ZRANB3: variants seen among roughly 807,000 people sequenced by gnomAD.
The protein encoded by ZRANB3 is zinc finger RANBP2-type containing 3, also known as DNA annealing helicase and endonuclease ZRANB3.
In ZRANB3, 125 loss-of-function variants were observed where a neutral mutation model predicts 133.8. That is an observed-to-expected ratio of 0.93 (90% CI 0.81 to 1.08). ZRANB3 has a LOEUF of 1.08. Among genes scored for constraint, ZRANB3 ranks in the 50% least tolerant of loss-of-function variants. ZRANB3 has a pLI of 0.00. For synonymous variants in ZRANB3, 387 were observed against 432.7 expected (o/e 0.89, Z 1.31); for missense variants, 1,229 against 1,275.5 (o/e 0.96, Z 0.56).
intron 1 of ZRANB3, among the ~76,000 whole-genome samples, chr2:135,526,157 A>ATTTT (rs993714638): frequency 4.7e-4 from 51 of 108,078 alleles, no homozygotes; most frequent in African/African-American, 6.1e-4. Context: ...CTAAGCTATG[A>ATTTT]TTTTTTTTTT....
intron 12 of ZRANB3, among the ~76,000 whole-genome samples, chr2:135,244,749 A>T (rs1695713290): frequency 6.6e-6 from 1 of 152,174 alleles, no homozygotes; most frequent in Non-Finnish European, 1.5e-5. Flanking sequence ...AAGCTATTTT[A>T]AAAATAACTT....
At chr2:135,439,831 C>T (rs1246897661) in intron 2 of ZRANB3, among the ~76,000 whole-genome samples, 6 of 152,266 alleles carry the variant, frequency 3.9e-5, no homozygotes, top group African/African-American at 1.4e-4. Context: ...TAATGTGCAA[C>T]GAAGTTTCAG....
intron 3 of ZRANB3, among the ~76,000 whole-genome samples, chr2:135,375,459 G>A (rs1686379464): frequency 6.6e-6 from 1 of 152,120 alleles, no homozygotes; most frequent in Admixed American, 6.5e-5. Flanking sequence ...GCCAAGGCGG[G>A]CAGATCACGA....
chr2:135,440,611 T>TC (rs940769890), intron 2 of ZRANB3, among the ~76,000 whole-genome samples: 1 of 152,122 alleles, frequency 6.6e-6, no homozygotes, highest in Admixed American at 6.6e-5. Context: ...GGCACCTCAC[T>TC]CCTACAACTG....
intron 3 of ZRANB3, among the ~76,000 whole-genome samples, chr2:135,382,512 G>A (rs1218231726): frequency 1.3e-5 from 2 of 152,078 alleles, no homozygotes; most frequent in Non-Finnish European, 2.9e-5. Context: ...GATACTCCTC[G>A]AGAAGAGCAA....
chr2:135,491,198 A>C (rs2104806203), intron 2 of ZRANB3, among the ~76,000 whole-genome samples: 1 of 152,328 alleles, frequency 6.6e-6, no homozygotes, highest in East Asian at 1.9e-4. Context: ...TATTTAAATA[A>C]TACTTAACTA....
chr2:135,505,037 A>C (rs1364340057), intron 1 of ZRANB3, among the ~76,000 whole-genome samples: 3 of 152,070 alleles, frequency 2.0e-5, no homozygotes, highest in Admixed American at 2.0e-4. Context: ...ATTAAAATTA[A>C]TTCTTTTTAA....
intron 12 of ZRANB3, among the ~76,000 whole-genome samples, chr2:135,233,863 G>A (rs914415459): frequency 6.6e-6 from 1 of 152,150 alleles, no homozygotes; most frequent in African/African-American, 2.4e-5. Flanking sequence ...AGACCATCGA[G>A]GCTAGGAAGA....
At chr2:135,518,029 C>T (rs1420266076) in intron 1 of ZRANB3, among the ~76,000 whole-genome samples, 1 of 152,072 alleles carries the variant, frequency 6.6e-6, no homozygotes, top group Non-Finnish European at 1.5e-5. Flanking sequence ...GCACCCAGTT[C>T]GAACTTCCCA....
At chr2:135,241,363 T>C (rs1187364261) in intron 12 of ZRANB3, among the ~76,000 whole-genome samples, 1 of 147,108 alleles carries the variant, frequency 6.8e-6, no homozygotes, top group Non-Finnish European at 1.5e-5. Context: ...TTATTCTCTG[T>C]TCTTTTTTTT....
At chr2:135,345,018 C>G (rs964060587) in intron 6 of ZRANB3, 2 of 152,178 alleles carry the variant, frequency 1.3e-5, no homozygotes, top group African/African-American at 4.8e-5. Flanking sequence ...GGAAGAAACA[C>G]TTAGTTTTTA....
chr2:135,444,924 T>C (rs1689947965), intron 2 of ZRANB3, among the ~76,000 whole-genome samples: 1 of 152,156 alleles, frequency 6.6e-6, no homozygotes, highest in African/African-American at 2.4e-5. Flanking sequence ...AAATGAGCAA[T>C]GATCACTGGA....
chr2:135,230,851 C>G lies in ZRANB3; in HGVS notation c.1616G>C (p.Cys539Ser). 1 of 1,609,806 alleles carries G rather than the reference C, an allele frequency of 6.2e-7. No individual in the cohort carries two copies. The highest frequency in any genetic ancestry group is 2.2e-5 in the East Asian group (1 of 44,814). Residue 539 changes from cysteine (C) to serine (S), a missense_variant, in exon 13 of 21, where the codon TGT becomes TCT. Transcript: ENST00000264159. The part of the protein sequence containing the change: ...QPKKRQLMTS[C>S]DESKRFREEN... Reference sequence around the variant, plus strand: ...CTCCCGGAATCTCTTTGATTCGTCACAGGAGGTCATCAACTGTCTTTTTTT... The same window carrying G: ...CTCCCGGAATCTCTTTGATTCGTCAGAGGAGGTCATCAACTGTCTTTTTTT...
intron 5 of ZRANB3, among the ~76,000 whole-genome samples, chr2:135,346,519 TATCCATCC>T (rs1398127967): frequency 6.6e-6 from 1 of 152,092 alleles, no homozygotes; most frequent in Non-Finnish European, 1.5e-5. Context: ...ATCATCTATC[TATCCATCC>T]ATCCATCCAT....
chr2:135,249,606 G>A (rs1679279327), intron 12 of ZRANB3, among the ~76,000 whole-genome samples: 1 of 152,186 alleles, frequency 6.6e-6, no homozygotes, highest in Non-Finnish European at 1.5e-5. Context: ...TGTTGTGGGA[G>A]GGACCCAGGG....
intron 15 of ZRANB3, among the ~76,000 whole-genome samples, chr2:135,222,624 G>A (rs1432010528): frequency 6.6e-6 from 1 of 151,996 alleles, no homozygotes. Flanking sequence ...CAAACTGAAC[G>A]CAGAGATGGA....
rs537804064 is a variant in ZRANB3, at chr2:135,408,607, A to C, written c.162-17787T>G. On this transcript the variant is annotated intron_variant, in intron 2 of 20. Transcript: ENST00000264159. ...CCAACAATGATAGACTGGATTAAGA[A>C]AATGCGGCACATATACACCATGGAA... 3.9e-5 allele frequency among the ~76,000 whole-genome samples: 6 copies of C among 152,344 alleles called. No homozygotes were observed. The East Asian group carries it at 9.6e-4, about 24-fold the overall frequency.
At chr2:135,427,232 A>G (rs1455062083) in intron 2 of ZRANB3, among the ~76,000 whole-genome samples, 3 of 152,030 alleles carry the variant, frequency 2.0e-5, no homozygotes, top group African/African-American at 7.2e-5. Context: ...AGCAAGAGAA[A>G]GAAATAAAAA....
intron 1 of ZRANB3, among the ~76,000 whole-genome samples, chr2:135,525,351 T>C (rs1361940871): frequency 6.6e-6 from 1 of 152,118 alleles, no homozygotes; most frequent in African/African-American, 2.4e-5. Flanking sequence ...TCAAACACCA[T>C]TAGTAGGAAA....
Sources: allele counts gnomAD v4.1 joint callset (sites outside exome capture counted in the v4.1 genomes callset), GRCh38; gene constraint gnomAD v4.1.1; transcripts MANE v1.5; gene names NCBI Gene and HGNC (gene_info 2026-07-23, HGNC 2026-07-21).